Variants in FUT8 observed in about 807,000 individuals in gnomAD.
FUT8 encodes fucosyltransferase 8.
Under a neutral mutation model 71.3 loss-of-function variants are expected in FUT8, and 29 were observed. The ratio of observed to expected loss-of-function variants is 0.41; its 90% CI spans 0.30 to 0.55. The LOEUF is 0.55. Among genes scored for constraint, FUT8 ranks in the 20% least tolerant of loss-of-function variants. FUT8 has a pLI of 0.34. For missense variants in FUT8, 544 were observed against 702.1 expected (o/e 0.77, Z 2.55); for synonymous variants, 254 against 239.3 (o/e 1.06, Z -0.57).
intron 6 of FUT8, among the ~76,000 whole-genome samples, chr14:65,647,066 T>C (rs1248913219): frequency 6.6e-6 from 1 of 152,230 alleles, no homozygotes; most frequent in Non-Finnish European, 1.5e-5. Context: ...CTTGTATCAC[T>C]TGAAAAACTT....
intron 2 of FUT8, among the ~76,000 whole-genome samples, chr14:65,477,756 A>G (rs544778631): frequency 6.6e-6 from 1 of 152,298 alleles, no homozygotes; most frequent in Non-Finnish European, 1.5e-5. Context: ...AACTTTTCTC[A>G]TATCTTCTAG....
chr14:65,441,971 C>T (rs189804180), intron 1 of FUT8, among the ~76,000 whole-genome samples: 7 of 152,016 alleles, frequency 4.6e-5, no homozygotes, highest in East Asian at 3.9e-4. Flanking sequence ...CGACAGGCCC[C>T]GGTGTGTGAT....
At chr14:65,411,694 A>T, upstream of FUT8, 1 of 270,234 alleles carries the variant, frequency 3.7e-6, no homozygotes, top group Non-Finnish European at 7.2e-6. Flanking sequence ...TCTTAAGGGC[A>T]CCATTTCGCT....
chr14:65,438,652 G>A (rs10131559), intron 1 of FUT8, among the ~76,000 whole-genome samples: 4,135 of 152,176 alleles, frequency 0.027, 195 homozygotes, highest in African/African-American at 0.095. Context: ...TTTTGTTTAT[G>A]CCATAGTTAT....
chr14:65,485,018 G>A (rs2066387519), intron 2 of FUT8, among the ~76,000 whole-genome samples: 2 of 151,522 alleles, frequency 1.3e-5, no homozygotes, highest in African/African-American at 4.9e-5. Flanking sequence ...GTCTCTTAAT[G>A]TTTTGGCTAT....
chr14:65,544,801 A>G (rs906349244), intron 2 of FUT8, among the ~76,000 whole-genome samples: 6 of 152,142 alleles, frequency 3.9e-5, no homozygotes, highest in African/African-American at 1.4e-4. Context: ...ATTCATATGT[A>G]TATACTATGA....
chr14:65,502,166 C>T (rs746467062), intron 2 of FUT8, among the ~76,000 whole-genome samples: 37 of 152,000 alleles, frequency 2.4e-4, no homozygotes, highest in Non-Finnish European at 8.8e-5. Flanking sequence ...CCATGTTGGC[C>T]TCCAAGTGGT....
chr14:65,721,865 C>T lies in FUT8; in HGVS notation c.926C>T (p.Pro309Leu). ...PRPPYLPLAV[P>L]EDLADRLVRV... ...CCTCCATATTTACCCTTGGCTGTACCAGAAGACCTCGCAGATCGACTTGTA... is the reference window on the plus strand; with the variant it reads ...CCTCCATATTTACCCTTGGCTGTACTAGAAGACCTCGCAGATCGACTTGTA... Residue 309 changes from proline (P) to leucine (L), a missense_variant, in exon 8 of 11, where the codon CCA (proline) becomes CTA (leucine). Transcript: ENST00000673929. 6.2e-7 allele frequency: 1 copy of T among 1,614,142 alleles called. No individual in the cohort carries two copies. The highest frequency in any genetic ancestry group is 8.5e-7 in the Non-Finnish European group (1 of 1,180,032).
intron 7 of FUT8, among the ~76,000 whole-genome samples, chr14:65,717,175 C>A (rs1473159852): frequency 2.0e-5 from 2 of 102,382 alleles, no homozygotes; most frequent in African/African-American, 3.9e-5. Flanking sequence ...CGCTTCTCAC[C>A]TCCCAGACGG....
At chr14:65,363,357 G>A in the FUT8 span, among the ~76,000 whole-genome samples, 1,041 of 151,752 alleles carry the variant, frequency 6.9e-3, 20 homozygotes, top group East Asian at 0.035. Context: ...CTGACCTCAG[G>A]TGATCCACTG....
chr14:65,742,580 G>T lies in FUT8; in HGVS notation c.*170G>T. ...GAACTGACATAGGCTTCAATTGGTG[G>T]AATTCCTCTTTAACAAGGGCTGCAA... is the stretch of plus-strand genomic sequence containing the variant. On this transcript the variant is annotated 3_prime_UTR_variant, in exon 11 of 11. Coordinates refer to ENST00000673929, the MANE Select transcript of FUT8 (RefSeq NM_001371533.1). 1 of 609,086 alleles carries T rather than the reference G, an allele frequency of 1.6e-6. No homozygotes were observed. The highest frequency in any genetic ancestry group is 2.9e-6 in the Non-Finnish European group (1 of 347,906). The allele number at this position is 609,086 out of a possible 1,614,324, so 37.7% of individuals were successfully genotyped here.
intron 2 of FUT8, among the ~76,000 whole-genome samples, chr14:65,554,422 C>CTATA (rs1555370723): frequency 0.026 from 2,783 of 109,090 alleles, 33 homozygotes; most frequent in Middle Eastern, 0.039. Flanking sequence ...AACTATATAT[C>CTATA]TATATATATA....
At chr14:65,399,078 G>A in the FUT8 span, among the ~76,000 whole-genome samples, 2 of 152,168 alleles carry the variant, frequency 1.3e-5, no homozygotes, top group Non-Finnish European at 2.9e-5. Flanking sequence ...CAGCATTTTG[G>A]GAGGCCAAAG....
chr14:65,491,176 A>ATTT (rs1384717699), intron 2 of FUT8, among the ~76,000 whole-genome samples: 1 of 152,158 alleles, frequency 6.6e-6, no homozygotes, highest in African/African-American at 2.4e-5. Context: ...TACATCAATG[A>ATTT]TTAGGGTAAA....
chr14:65,383,378 G>A, the FUT8 span, among the ~76,000 whole-genome samples: 2 of 144,674 alleles, frequency 1.4e-5, no homozygotes, highest in Non-Finnish European at 3.0e-5. Flanking sequence ...AGGTTCAAGC[G>A]ATTCTCCTGC....
chr14:65,403,869 T>C, the FUT8 span, among the ~76,000 whole-genome samples: 2 of 152,232 alleles, frequency 1.3e-5, no homozygotes, highest in African/African-American at 4.8e-5. Context: ...TAATAGTTCT[T>C]TCAAGAGCCT....
chr14:65,385,211 C>A, the FUT8 span, among the ~76,000 whole-genome samples: 1 of 152,070 alleles, frequency 6.6e-6, no homozygotes, highest in African/African-American at 2.4e-5. Flanking sequence ...AGGTTAGATT[C>A]TTAACTGTAG....
At chr14:65,372,943 T>C in the FUT8 span, among the ~76,000 whole-genome samples, 1,865 of 152,230 alleles carry the variant, frequency 0.012, 16 homozygotes, top group Middle Eastern at 0.024. Flanking sequence ...AATGAGGCAC[T>C]AAGGAGCCAA....
chr14:65,605,486 GA>G (rs1182407525), intron 3 of FUT8, among the ~76,000 whole-genome samples: 4 of 152,008 alleles, frequency 2.6e-5, no homozygotes, highest in African/African-American at 9.6e-5. Flanking sequence ...GTCCTTATAA[GA>G]AGGGGTAATT....
Sources: allele counts gnomAD v4.1 joint callset (sites outside exome capture counted in the v4.1 genomes callset), GRCh38; gene constraint gnomAD v4.1.1; transcripts MANE v1.5; gene names NCBI Gene and HGNC (gene_info 2026-07-23, HGNC 2026-07-21).